PARG: variants seen among roughly 807,000 people sequenced by gnomAD.
PARG encodes mitochondrial poly(ADP-ribose) glycohydrolase.
Under a neutral mutation model 113.0 loss-of-function variants are expected in PARG, and 35 were observed. The observed-to-expected ratio is 0.31, with a 90% CI of 0.24 to 0.41. PARG has a LOEUF of 0.41. PARG is among the 10% of genes least tolerant of loss of function. The pLI is 1.00. For missense variants in PARG, 797 were observed against 1,169.4 expected (o/e 0.68, Z 4.64); for synonymous variants, 330 against 409.9 (o/e 0.81, Z 2.36).
intron 13 of PARG, among the ~76,000 whole-genome samples, chr10:49,849,362 A>C (rs1845656133): frequency 6.6e-6 from 1 of 151,778 alleles, no homozygotes; most frequent in Non-Finnish European, 1.5e-5. Flanking sequence ...AAGACTTATT[A>C]TAAAGATATA....
At position 49,912,031 on chromosome 10, in the gene PARG, C is replaced by T. The variant is rs569428593; in HGVS notation, c.1737+3886G>A. Among the ~76,000 whole-genome samples, 79 of 152,188 alleles carry T rather than the reference C, an allele frequency of 5.2e-4. No homozygotes were observed. In the East Asian group the frequency reaches 0.01, roughly 20 times the overall value. ...TTTCCAAATTCTGGCTGGGAGCAGCCGCTCACACCTGTAATCCCAACACTT... is the reference window on the plus strand; with the variant it reads ...TTTCCAAATTCTGGCTGGGAGCAGCTGCTCACACCTGTAATCCCAACACTT... On this transcript the variant is annotated intron_variant, in intron 7 of 17. Transcript: ENST00000616448.
At chr10:49,873,464 C>A (rs1414222937) in intron 9 of PARG, among the ~76,000 whole-genome samples, 2 of 151,544 alleles carry the variant, frequency 1.3e-5, no homozygotes, top group African/African-American at 4.9e-5. Flanking sequence ...TTGCTCATGA[C>A]AGGCTTTGAG....
intron 7 of PARG, among the ~76,000 whole-genome samples, chr10:49,914,395 T>G (rs540583511): frequency 5.3e-5 from 8 of 152,350 alleles, no homozygotes; most frequent in Non-Finnish European, 8.8e-5. Context: ...CAAGGATATC[T>G]GAGATATCCA....
intron 6 of PARG, among the ~76,000 whole-genome samples, chr10:49,921,816 T>C (rs1837888386): frequency 6.6e-6 from 1 of 151,930 alleles, no homozygotes. Context: ...TAGTTACCCT[T>C]GCAGTCATAA....
chr10:49,938,410 A>G (rs2133005752), intron 1 of PARG, among the ~76,000 whole-genome samples: 1 of 152,338 alleles, frequency 6.6e-6, no homozygotes, highest in Non-Finnish European at 1.5e-5. Flanking sequence ...AGTACCCAGT[A>G]TATTTTAATC....
intron 12 of PARG, among the ~76,000 whole-genome samples, chr10:49,861,101 G>A (rs1476679328): frequency 2.0e-5 from 3 of 152,184 alleles, no homozygotes; most frequent in Non-Finnish European, 4.4e-5. Flanking sequence ...TGTTACATAT[G>A]AGAGAGAGGC....
rs1455918619 is a variant in PARG, at chr10:49,934,160, C to G, written c.288G>C (p.Leu96Phe). 1,612 of 1,016,794 alleles carry G rather than the reference C, an allele frequency of 1.6e-3. 18 individuals carry two copies. In the African/African-American group the frequency reaches 0.022, roughly 14 times the overall value. The allele number at this position is 1,016,794 out of a possible 1,614,324, so 63.0% of individuals were successfully genotyped here. Residue 96 changes from leucine to phenylalanine, a missense_variant, in exon 3 of 18, where the codon TTG (leucine) becomes TTC (phenylalanine). By Grantham distance (22) the Leu-to-Phe change is conservative (BLOSUM62 0). Coordinates refer to ENST00000616448, the MANE Select transcript of PARG (RefSeq NM_003631.5). ...TTGTATTGTTGTTTTCTTTACTATC[C>G]AAACTACAAGAGAACAGAAAGAACT... ...KGIKTAESES[L>F]DSKENNNTRI...
chr10:49,856,868 G>A (rs2132518653), intron 13 of PARG, among the ~76,000 whole-genome samples: 1 of 151,752 alleles, frequency 6.6e-6, no homozygotes, highest in Admixed American at 6.6e-5. Flanking sequence ...AATTAGCCGG[G>A]TGTGGTGACG....
chr10:49,922,770 C>G (rs1398359885), intron 4 of PARG, 101 bp from the exon 5 acceptor site: 1 of 749,944 alleles, frequency 1.3e-6, no homozygotes, highest in African/African-American at 1.8e-5. Flanking sequence ...AAATAGAGAC[C>G]AGCTCCCAGG....
intron 7 of PARG, chr10:49,909,860 T>G (rs1187178107): frequency 6.1e-6 from 1 of 165,272 alleles, no homozygotes; most frequent in African/African-American, 2.4e-5. Flanking sequence ...AATAGTGGCA[T>G]GGTTCATGCC....
Position 49,935,187 on chromosome 10 carries a change from C to T in PARG, c.218-45G>A, listed in dbSNP as rs1838689750. On this transcript the variant is annotated intron_variant, in intron 1 of 17. Coordinates refer to ENST00000616448, the MANE Select transcript of PARG (RefSeq NM_003631.5). ...TTCATACATTCCTTCAAATATAAAA[C>T]ATATACAGCATATTGTACATGCAAG... 1.6e-5 allele frequency: 11 copies of T among 685,634 alleles called. No individual in the cohort carries two copies. The Admixed American group carries it at 1.9e-4, about 12-fold the overall frequency. 42.5% of individuals were successfully genotyped at this position (685,634 alleles called of 1,614,324 possible).
chr10:49,936,534 C>T (rs1589014828), intron 1 of PARG, among the ~76,000 whole-genome samples: 1 of 152,122 alleles, frequency 6.6e-6, no homozygotes, highest in African/African-American at 2.4e-5. Flanking sequence ...TAAATAAATA[C>T]AAGCCACATT....
rs782385385 is a variant in PARG at position 49,857,387 on chromosome 10, G to A, written c.2272C>T (p.Arg758Cys). 23 of 1,580,600 alleles carry A rather than the reference G, an allele frequency of 1.5e-5. No homozygotes were observed. The highest frequency in any genetic ancestry group is 2.2e-5 in the East Asian group (1 of 44,554). The change falls in exon 13 of 18, where the codon CGC becomes TGC. Residue 758 changes from arginine (R) to cysteine (C), a missense_variant. By Grantham distance (180) the Arg-to-Cys change is radical. Transcript: ENST00000616448. ...TSAGLVQEEIRFLINPELIIS... is the reference protein window; with the variant it reads ...TSAGLVQEEICFLINPELIIS... ...ATCAACTCAGGATTGATTAAAAAGC[G>A]GATTTCTTCTTGCACAAGTCCTGCA... is the stretch of plus-strand genomic sequence containing the variant.
At chr10:49,850,660 C>T (rs1211148408) in intron 13 of PARG, among the ~76,000 whole-genome samples, 5 of 152,052 alleles carry the variant, frequency 3.3e-5, no homozygotes, top group African/African-American at 9.7e-5. Flanking sequence ...TCTGTTAACT[C>T]GGAAAACAAA....
At chr10:49,939,367 A>G (rs1382068115) in intron 1 of PARG, among the ~76,000 whole-genome samples, 4 of 152,224 alleles carry the variant, frequency 2.6e-5, no homozygotes, top group African/African-American at 7.2e-5. Flanking sequence ...TCATTTTTCA[A>G]TGAAATAACA....
intron 7 of PARG, among the ~76,000 whole-genome samples, chr10:49,914,167 T>C (rs550185082): frequency 6.6e-6 from 1 of 152,334 alleles, no homozygotes; most frequent in East Asian, 1.9e-4. Flanking sequence ...GACAGAGGTA[T>C]TGTAACCAAT....
intron 6 of PARG, among the ~76,000 whole-genome samples, chr10:49,920,568 A>G (rs557772513): frequency 2.2e-4 from 32 of 144,386 alleles, no homozygotes; most frequent in African/African-American, 7.9e-4. Context: ...ATACGTATAT[A>G]TACGTGTATA....
intron 15 of PARG, among the ~76,000 whole-genome samples, chr10:49,838,168 C>T (rs368180158): frequency 1.3e-5 from 2 of 152,134 alleles, no homozygotes; most frequent in East Asian, 1.9e-4. Context: ...CAGTGCCTCA[C>T]GCCTGTAATC....
At chr10:49,911,274 C>A (rs1837166532) in intron 7 of PARG, among the ~76,000 whole-genome samples, 1 of 146,580 alleles carries the variant, frequency 6.8e-6, no homozygotes, top group African/African-American at 2.6e-5. Context: ...CAGAGAAAGA[C>A]TGTGTCTCAA....
Sources: gnomAD v4.1 joint callset for allele counts (sites outside exome capture counted in the v4.1 genomes callset) on GRCh38, gnomAD v4.1.1 for gene constraint, MANE v1.5 for transcripts, NCBI Gene and HGNC (gene_info 2026-07-23, HGNC 2026-07-21) for gene names.